Variants in TRPM3 observed in about 807,000 individuals in gnomAD.
TRPM3 encodes the protein transient receptor potential cation channel subfamily M member 3.
Under a neutral mutation model 181.2 loss-of-function variants are expected in TRPM3, and 77 were observed. The observed-to-expected ratio is 0.42, with a 90% confidence interval of 0.35 to 0.51. The LOEUF (loss-of-function observed/expected upper bound fraction) is 0.51. Ranked by LOEUF, TRPM3 falls within the 20% of genes least tolerant of loss-of-function variation. The pLI is 0.01. For synonymous variants in TRPM3, 745 were observed against 796.4 expected (o/e 0.94, Z 1.09); for missense variants, 1,759 against 2,196.7 (o/e 0.80, Z 3.98).
chr9:70,621,999 T>A (rs1220574782), intron 14 of TRPM3, among the ~76,000 whole-genome samples: 1 of 152,204 alleles, frequency 6.6e-6, no homozygotes, highest in Non-Finnish European at 1.5e-5. Context: ...GCCTCCCAAA[T>A]TCATATGTTG....
intron 1 of TRPM3, among the ~76,000 whole-genome samples, chr9:70,969,779 T>TATATACAC (rs900528837): frequency 5.0e-5 from 7 of 139,842 alleles, no homozygotes; most frequent in Non-Finnish European, 7.8e-5. Context: ...TATATATATA[T>TATATACAC]ACACACACAC....
chr9:70,569,840 T>C (rs1331997527), intron 22 of TRPM3, among the ~76,000 whole-genome samples: 1 of 152,160 alleles, frequency 6.6e-6, no homozygotes, highest in African/African-American at 2.4e-5. Context: ...AATTAATTGA[T>C]ATATGTATAT....
intron 1 of TRPM3, among the ~76,000 whole-genome samples, chr9:71,191,478 T>C (rs2078016669): frequency 6.6e-6 from 1 of 151,774 alleles, no homozygotes; most frequent in Admixed American, 6.6e-5. Flanking sequence ...AATGCTCTAC[T>C]TCCTTCCAAC....
chr9:70,744,126 G>A (rs967838987), intron 8 of TRPM3, among the ~76,000 whole-genome samples: 1 of 151,930 alleles, frequency 6.6e-6, no homozygotes, highest in Admixed American at 6.6e-5. Context: ...TCAGGAGTTC[G>A]AGACCAGCCT....
chr9:70,696,130 C>T (rs1057129638), intron 8 of TRPM3, among the ~76,000 whole-genome samples: 3 of 152,210 alleles, frequency 2.0e-5, no homozygotes, highest in Non-Finnish European at 4.4e-5. Context: ...TCTATCTCTA[C>T]ATCCCCTTAA....
intron 6 of TRPM3, among the ~76,000 whole-genome samples, chr9:70,813,574 T>C (rs1686455997): frequency 1.3e-5 from 2 of 152,074 alleles, no homozygotes; most frequent in Non-Finnish European, 2.9e-5. Context: ...TCTGGGGTGA[T>C]GGGATCAATA....
chr9:71,120,452 G>A (rs2073377445), intron 1 of TRPM3, among the ~76,000 whole-genome samples: 1 of 152,166 alleles, frequency 6.6e-6, no homozygotes, highest in Admixed American at 6.5e-5. Context: ...TAATGCATTT[G>A]CTTCTGGAAA....
chr9:70,841,434 G>A (rs1428785945), intron 5 of TRPM3, among the ~76,000 whole-genome samples: 1 of 151,356 alleles, frequency 6.6e-6, no homozygotes, highest in African/African-American at 2.4e-5. Flanking sequence ...CATTGATGTG[G>A]ACACTTGTTA....
intron 5 of TRPM3, among the ~76,000 whole-genome samples, chr9:70,841,624 C>CTATATA (rs72421594): frequency 0.06 from 4,334 of 72,152 alleles, 172 homozygotes; most frequent in Non-Finnish European, 0.081. Flanking sequence ...CTATATCCCA[C>CTATATA]TATATATATA....
chr9:70,759,374 C>A (rs1035134019), intron 8 of TRPM3, among the ~76,000 whole-genome samples: 1 of 152,228 alleles, frequency 6.6e-6, no homozygotes, highest in African/African-American at 2.4e-5. Flanking sequence ...AACACTTTTA[C>A]ACTGTTGGTG....
Position 70,843,144 on chromosome 9 carries a change from A to T in TRPM3, c.677-17T>A, listed in dbSNP as rs1365087957. The T allele has an allele frequency of 6.3e-7, 1 of 1,594,510 alleles. No homozygotes were observed. The highest frequency in any genetic ancestry group is 8.5e-7 in the Non-Finnish European group (1 of 1,174,558). On this transcript the variant is annotated splice_polypyrimidine_tract_variant and intron_variant, in intron 4 of 25. Coordinates refer to ENST00000677713, the MANE Select transcript of TRPM3 (RefSeq NM_001366145.2). ...GAATAACACCTAAAAAAAAAAGAGA[A>T]GCATTGATTTTTTCTTTTAAAGCAA... is the stretch of plus-strand genomic sequence containing the variant.
rs1031797761 is a variant in TRPM3 at position 70,925,796 on chromosome 9, A to T, written c.178-61285T>A. On this transcript the variant is annotated intron_variant, in intron 1 of 25. Transcript: ENST00000677713. ...GGGAGAGATAAATTTCTCACTGTCA[A>T]TACAGGTTAGTAGTTCCCTCAAACA... Among the ~76,000 whole-genome samples the T allele has an allele frequency of 6.6e-5, 10 of 152,152 alleles. No individual in the cohort carries two copies. In the South Asian group the frequency reaches 1.9e-3, roughly 28 times the overall value.
chr9:71,380,387 C>A (rs1427062015), intron 1 of TRPM3, among the ~76,000 whole-genome samples: 3 of 151,922 alleles, frequency 2.0e-5, no homozygotes, highest in Non-Finnish European at 2.9e-5. Context: ...GGTAATATTA[C>A]CAATTAGAGA....
intron 8 of TRPM3, among the ~76,000 whole-genome samples, chr9:70,686,127 CAT>C (rs970933734): frequency 4.3e-4 from 65 of 151,188 alleles, no homozygotes; most frequent in African/African-American, 1.4e-3. Flanking sequence ...TATACACACA[CAT>C]ATGTAAAACC....
intron 1 of TRPM3, among the ~76,000 whole-genome samples, chr9:70,884,889 T>C (rs1368936105): frequency 1.3e-5 from 2 of 152,194 alleles, no homozygotes; most frequent in African/African-American, 4.8e-5. Flanking sequence ...CGCTCATAGA[T>C]TCTGAATCTG....
At chr9:70,634,202 C>CAAGT (rs2066446335) in intron 12 of TRPM3, among the ~76,000 whole-genome samples, 3 of 152,124 alleles carry the variant, frequency 2.0e-5, no homozygotes, top group African/African-American at 7.2e-5. Flanking sequence ...CTCCACCTCC[C>CAAGT]GGGTTCAAGT....
At chr9:71,419,793 C>T (rs1456451488) in intron 1 of TRPM3, among the ~76,000 whole-genome samples, 1 of 151,800 alleles carries the variant, frequency 6.6e-6, no homozygotes, top group Non-Finnish European at 1.5e-5. Flanking sequence ...TGACATAAAT[C>T]ATCTCAATTT....
intron 1 of TRPM3, among the ~76,000 whole-genome samples, chr9:71,186,184 G>T (rs1587841041): frequency 6.6e-6 from 1 of 152,058 alleles, no homozygotes; most frequent in South Asian, 2.1e-4. Context: ...AGCCCATCCT[G>T]CTCCAGTATG....
chr9:70,558,264 TA>T (rs2048217473), intron 22 of TRPM3, among the ~76,000 whole-genome samples: 1 of 152,192 alleles, frequency 6.6e-6, no homozygotes, highest in Non-Finnish European at 1.5e-5. Context: ...TCTATAGTCA[TA>T]AAAACCATGC....
Sources: gnomAD v4.1 joint callset for allele counts (sites outside exome capture counted in the v4.1 genomes callset) on GRCh38, gnomAD v4.1.1 for gene constraint, MANE v1.5 for transcripts, NCBI Gene and HGNC (gene_info 2026-07-23, HGNC 2026-07-21) for gene names.